SNTG1: variants seen among roughly 807,000 people sequenced by gnomAD.
SNTG1 encodes gamma-1-syntrophin.
SNTG1 carries 39 observed loss-of-function variants against 74.7 expected under a neutral mutation model. That is an observed-to-expected ratio of 0.52 (90% CI 0.40 to 0.68). SNTG1 has a LOEUF of 0.68. SNTG1 is among the 30% of genes least tolerant of loss of function. The pLI is 0.00. For missense variants in SNTG1, 685 were observed against 609.5 expected (o/e 1.12, Z -1.30); for synonymous variants, 254 against 217.1 (o/e 1.17, Z -1.49).
At chr8:50,178,708 A>G (rs7002235) in intron 2 of SNTG1, among the ~76,000 whole-genome samples, 46,325 of 151,850 alleles carry the variant, frequency 0.31, 7,187 homozygotes, top group South Asian at 0.43. Flanking sequence ...TGTTCTGTTC[A>G]TTATTTTTGT....
At chr8:50,216,996 G>A (rs932868691) in intron 2 of SNTG1, among the ~76,000 whole-genome samples, 15 of 151,116 alleles carry the variant, frequency 9.9e-5, no homozygotes, top group Non-Finnish European at 1.8e-4. Context: ...CAATTCAAGG[G>A]TAAATTTATA....
At chr8:50,453,609 T>G (rs1255083260) in intron 8 of SNTG1, among the ~76,000 whole-genome samples, 1 of 152,212 alleles carries the variant, frequency 6.6e-6, no homozygotes, top group Non-Finnish European at 1.5e-5. Flanking sequence ...CACTCTATTA[T>G]GTATTCATAA....
intron 15 of SNTG1, among the ~76,000 whole-genome samples, chr8:50,676,450 G>C (rs971274281): frequency 6.6e-6 from 1 of 151,820 alleles, no homozygotes; most frequent in Non-Finnish European, 1.5e-5. Context: ...CAAAGTTCTC[G>C]TGCTGTGTTA....
At chr8:50,134,918 T>C (rs1325625335) in intron 1 of SNTG1, among the ~76,000 whole-genome samples, 1 of 152,132 alleles carries the variant, frequency 6.6e-6, no homozygotes, top group African/African-American at 2.4e-5. Context: ...TCCTCTTTTA[T>C]GTATTTACAA....
chr8:49,952,289 T>A (rs925944753), intron 1 of SNTG1, among the ~76,000 whole-genome samples: 1 of 152,166 alleles, frequency 6.6e-6, no homozygotes, highest in African/African-American at 2.4e-5. Context: ...TTGTAAAGAC[T>A]TTTTTGTGCT....
At chr8:50,432,043 A>T (rs1389618255) in intron 4 of SNTG1, among the ~76,000 whole-genome samples, 1 of 152,176 alleles carries the variant, frequency 6.6e-6, no homozygotes, top group East Asian at 1.9e-4. Context: ...ATTCTCATTT[A>T]TCAACATTTT....
intron 1 of SNTG1, among the ~76,000 whole-genome samples, chr8:50,010,783 C>G (rs946626240): frequency 1.3e-4 from 17 of 134,652 alleles, no homozygotes; most frequent in Non-Finnish European, 1.5e-4. Context: ...ACACAGGCCT[C>G]TCTTTTTTTT....
intron 1 of SNTG1, among the ~76,000 whole-genome samples, chr8:50,125,604 C>G (rs1290251196): frequency 7.1e-6 from 1 of 141,630 alleles, no homozygotes. Flanking sequence ...GTAATAAATA[C>G]TCTACTACTG....
intron 1 of SNTG1, among the ~76,000 whole-genome samples, chr8:49,967,898 C>T (rs959792019): frequency 2.5e-4 from 38 of 152,184 alleles, no homozygotes; most frequent in African/African-American, 7.5e-4. Context: ...ATTAATCTGG[C>T]TTTACAGCAG....
chr8:49,952,794 T>C (rs1396282712), intron 1 of SNTG1, among the ~76,000 whole-genome samples: 1 of 152,202 alleles, frequency 6.6e-6, no homozygotes, highest in Non-Finnish European at 1.5e-5. Flanking sequence ...GACTTTTTAA[T>C]AGCTTTGACT....
chr8:50,221,512 T>G (rs370475622), intron 2 of SNTG1, among the ~76,000 whole-genome samples: 1 of 130,108 alleles, frequency 7.7e-6, no homozygotes, highest in Admixed American at 7.6e-5. Context: ...AACACACACA[T>G]ACACACACAC....
chr8:49,917,978 T>G (rs1360705364), intron 1 of SNTG1, among the ~76,000 whole-genome samples: 1 of 152,174 alleles, frequency 6.6e-6, no homozygotes, highest in Non-Finnish European at 1.5e-5. Context: ...GTTAAAATTT[T>G]GCATGTAGCG....
chr8:50,434,113 C>G (rs2093274952), intron 4 of SNTG1, among the ~76,000 whole-genome samples: 1 of 142,100 alleles, frequency 7.0e-6, no homozygotes, highest in Admixed American at 7.6e-5. Flanking sequence ...TTGTTCAATT[C>G]CCACCTATGA....
At chr8:50,668,280 T>C in intron 15 of SNTG1, among the ~76,000 whole-genome samples, 1 of 151,972 alleles carries the variant, frequency 6.6e-6, no homozygotes, top group East Asian at 1.9e-4. Flanking sequence ...AAAGTACTTA[T>C]TTCCCTTTTA....
intron 17 of SNTG1, among the ~76,000 whole-genome samples, chr8:50,747,196 T>A (rs2095556997): frequency 6.6e-6 from 1 of 151,940 alleles, no homozygotes; most frequent in South Asian, 2.1e-4. Context: ...TATAATGCAC[T>A]GTAGGCCTAT....
chr8:50,669,048 G>A (rs1400292784), intron 15 of SNTG1, among the ~76,000 whole-genome samples: 1 of 151,956 alleles, frequency 6.6e-6, no homozygotes, highest in Admixed American at 6.6e-5. Context: ...GAGTGTAGAG[G>A]AAAATTTATA....
At chr8:50,563,994 C>A (rs2130708051) in intron 12 of SNTG1, among the ~76,000 whole-genome samples, 1 of 152,272 alleles carries the variant, frequency 6.6e-6, no homozygotes, top group East Asian at 1.9e-4. Flanking sequence ...TTACATTCAT[C>A]CATTTGTACT....
At chr8:50,147,076 C>T (rs1329708312) in intron 1 of SNTG1, among the ~76,000 whole-genome samples, 1 of 151,816 alleles carries the variant, frequency 6.6e-6, no homozygotes, top group Non-Finnish European at 1.5e-5. Context: ...GTATTTAAAA[C>T]CAAAGGCAGG....
At chr8:50,547,607 T>C (rs1243681241) in intron 11 of SNTG1, among the ~76,000 whole-genome samples, 4 of 152,182 alleles carry the variant, frequency 2.6e-5, no homozygotes, top group African/African-American at 9.6e-5. Context: ...TTAATATTAA[T>C]TTTAATTTTG....
Sources: gnomAD v4.1 joint callset for allele counts (sites outside exome capture counted in the v4.1 genomes callset) on GRCh38, gnomAD v4.1.1 for gene constraint, MANE v1.5 for transcripts, NCBI Gene and HGNC (gene_info 2026-07-23, HGNC 2026-07-21) for gene names.